The following NEGR1 variants were observed in gnomAD, a reference collection of about 807,000 sequenced individuals.
NEGR1 encodes the protein neuronal growth regulator 1, also known as IgLON family member 4.
In NEGR1, 10 loss-of-function variants were observed where a neutral mutation model predicts 40.9. That is an observed-to-expected ratio of 0.24 (90% CI 0.15 to 0.42). The LOEUF (loss-of-function observed/expected upper bound fraction) is 0.42. Among genes scored for constraint, NEGR1 ranks in the 10% least tolerant of loss-of-function variants. The probability of loss-of-function intolerance (pLI) is 1.00; values close to 1 mark genes in which losing one functional copy is unlikely to be tolerated. For synonymous variants in NEGR1, 185 were observed against 166.8 expected (o/e 1.11, Z -0.84); for missense variants, 352 against 438.9 (o/e 0.80, Z 1.77).
intron 1 of NEGR1, among the ~76,000 whole-genome samples, chr1:71,994,025 T>A (rs1305963516): frequency 6.6e-6 from 1 of 152,080 alleles, no homozygotes; most frequent in Non-Finnish European, 1.5e-5. Context: ...TGCCTTCTTA[T>A]CCCCAAGACC....
At chr1:71,508,535 T>C (rs1005298073) in intron 6 of NEGR1, among the ~76,000 whole-genome samples, 6 of 152,246 alleles carry the variant, frequency 3.9e-5, no homozygotes, top group Non-Finnish European at 7.3e-5. Flanking sequence ...GTAATTAATG[T>C]AACCAAATGG....
intron 1 of NEGR1, chr1:72,274,771 T>A: frequency 7.4e-7 from 1 of 1,347,142 alleles, no homozygotes; most frequent in Non-Finnish European, 1.1e-6. Flanking sequence ...GCAGTTCATC[T>A]GTGACCCCAG....
At chr1:72,182,508 C>A (rs1652417744) in intron 1 of NEGR1, among the ~76,000 whole-genome samples, 1 of 151,788 alleles carries the variant, frequency 6.6e-6, no homozygotes, top group Non-Finnish European at 1.5e-5. Flanking sequence ...AAAATAAATA[C>A]ATACAAATAA....
intron 4 of NEGR1, among the ~76,000 whole-genome samples, chr1:71,659,093 G>A (rs956005149): frequency 6.6e-6 from 1 of 152,178 alleles, no homozygotes; most frequent in African/African-American, 2.4e-5. Context: ...CTGAAGTGCA[G>A]CTTTCTTACT....
chr1:71,863,626 T>A (rs1386429713), intron 2 of NEGR1, among the ~76,000 whole-genome samples: 1 of 152,144 alleles, frequency 6.6e-6, no homozygotes, highest in Non-Finnish European at 1.5e-5. Flanking sequence ...AAAAGAAATA[T>A]GTGAATACAC....
intron 2 of NEGR1, among the ~76,000 whole-genome samples, chr1:71,807,276 A>G (rs1369673614): frequency 6.6e-6 from 1 of 152,166 alleles, no homozygotes; most frequent in Non-Finnish European, 1.5e-5. Context: ...TTTCTGTGCA[A>G]TAAAGCACTG....
chr1:71,754,052 A>G (rs1481989740), intron 3 of NEGR1, among the ~76,000 whole-genome samples: 1 of 151,436 alleles, frequency 6.6e-6, no homozygotes, highest in African/African-American at 2.5e-5. Context: ...GAACTAAGAG[A>G]GAGACAGAGG....
intron 2 of NEGR1, among the ~76,000 whole-genome samples, chr1:71,901,962 C>T (rs554210217): frequency 2.0e-5 from 3 of 152,078 alleles, no homozygotes; most frequent in Non-Finnish European, 4.4e-5. Context: ...AGCCACCACA[C>T]CTGGCCAAGA....
chr1:72,142,525 TGATA>T (rs57515875), intron 1 of NEGR1, among the ~76,000 whole-genome samples: 7,657 of 146,546 alleles, frequency 0.052, 330 homozygotes, highest in African/African-American at 0.12. Context: ...CCTAGATAGA[TGATA>T]GATAGATAGA....
At chr1:71,885,387 G>T (rs1378204476) in intron 2 of NEGR1, among the ~76,000 whole-genome samples, 1 of 152,194 alleles carries the variant, frequency 6.6e-6, no homozygotes, top group African/African-American at 2.4e-5. Context: ...CAATTCTCCA[G>T]AAGTCTTGAC....
At chr1:71,932,396 A>T (rs968634504) in intron 2 of NEGR1, among the ~76,000 whole-genome samples, 1 of 151,930 alleles carries the variant, frequency 6.6e-6, no homozygotes, top group African/African-American at 2.4e-5. Flanking sequence ...GCCAGAGTTC[A>T]GAGAGACTTA....
intron 1 of NEGR1, among the ~76,000 whole-genome samples, chr1:72,145,118 T>TA (rs1650857833): frequency 1.3e-5 from 2 of 152,042 alleles, no homozygotes; most frequent in African/African-American, 4.8e-5. Context: ...AGTGAGGTTT[T>TA]AAAAAAATGT....
At chr1:72,142,640 A>G (rs1650730933) in intron 1 of NEGR1, among the ~76,000 whole-genome samples, 1 of 151,930 alleles carries the variant, frequency 6.6e-6, no homozygotes, top group African/African-American at 2.4e-5. Context: ...ATTTAAGCAA[A>G]ATAACCAATT....
At chr1:71,921,058 C>T (rs569110928) in intron 2 of NEGR1, among the ~76,000 whole-genome samples, 2 of 152,156 alleles carry the variant, frequency 1.3e-5, no homozygotes, top group Non-Finnish European at 2.9e-5. Context: ...ATTATGCATA[C>T]TTTTAGCTTT....
Position 72,246,413 on chromosome 1 carries a change from A to G in NEGR1, c.176+35906T>C, listed in dbSNP as rs563752843. ...TAATGTAGCAAATTTAATTCACTCCAAATCATGCTAGTTTTTATGCCTCCA... is the reference window on the plus strand; with the variant it reads ...TAATGTAGCAAATTTAATTCACTCCGAATCATGCTAGTTTTTATGCCTCCA... On this transcript the variant is annotated intron_variant, in intron 1 of 6. Coordinates refer to ENST00000357731, the MANE Select transcript of NEGR1 (RefSeq NM_173808.3). Among the ~76,000 whole-genome samples, 3 of 152,256 alleles carry G rather than the reference A, an allele frequency of 2.0e-5. No homozygotes were observed. In the South Asian group the frequency reaches 6.2e-4, roughly 32 times the overall value.
At chr1:71,622,472 T>C (rs1227250790) in intron 4 of NEGR1, among the ~76,000 whole-genome samples, 4 of 151,942 alleles carry the variant, frequency 2.6e-5, no homozygotes, top group African/African-American at 9.7e-5. Context: ...TTAGTGAATC[T>C]TCAAAAAATG....
chr1:71,540,353 G>A (rs978678082), intron 6 of NEGR1, among the ~76,000 whole-genome samples: 1 of 151,790 alleles, frequency 6.6e-6, no homozygotes, highest in South Asian at 2.1e-4. Context: ...TTGATGCCAT[G>A]CAAAGAAAGG....
chr1:71,862,067 T>C (rs1399652862), intron 2 of NEGR1, among the ~76,000 whole-genome samples: 1 of 152,126 alleles, frequency 6.6e-6, no homozygotes, highest in Non-Finnish European at 1.5e-5. Flanking sequence ...TGTGTATTTT[T>C]CCTAAATTAT....
At chr1:71,664,545 A>C (rs1056931979) in intron 4 of NEGR1, among the ~76,000 whole-genome samples, 2 of 151,934 alleles carry the variant, frequency 1.3e-5, no homozygotes, top group Non-Finnish European at 2.9e-5. Context: ...TTTCCATGGG[A>C]ATTTAGAAGA....
Sources: gnomAD v4.1 joint callset for allele counts (sites outside exome capture counted in the v4.1 genomes callset) on GRCh38, gnomAD v4.1.1 for gene constraint, MANE v1.5 for transcripts, NCBI Gene and HGNC (gene_info 2026-07-23, HGNC 2026-07-21) for gene names.